Variants in KCNK2 observed in about 807,000 individuals in gnomAD.
KCNK2 encodes potassium channel subfamily K member 2.
Under a neutral mutation model 40.5 loss-of-function variants are expected in KCNK2, and 21 were observed. That is an observed-to-expected ratio of 0.52 (90% CI 0.37 to 0.75). The LOEUF is 0.75. KCNK2 is among the 30% of genes least tolerant of loss of function. KCNK2 has a pLI of 0.00. For missense variants in KCNK2, 399 were observed against 531.6 expected, an observed-to-expected ratio of 0.75 and a Z score of 2.45; for synonymous variants, 191 against 202.2, an observed-to-expected ratio of 0.94 and a Z score of 0.47.
At chr1:215,088,039 A>T (rs925307179) in intron 2 of KCNK2, among the ~76,000 whole-genome samples, 2 of 152,196 alleles carry the variant, frequency 1.3e-5, no homozygotes, top group African/African-American at 2.4e-5. Flanking sequence ...TTTTTAGATG[A>T]TGGTGACCTT....
intron 1 of KCNK2, among the ~76,000 whole-genome samples, chr1:215,064,860 CT>C (rs2102510614): frequency 1.3e-5 from 2 of 152,272 alleles, no homozygotes; most frequent in East Asian, 3.9e-4. Context: ...AAGATTCTAA[CT>C]TCCTCTTCCT....
At chr1:215,192,768 C>A (rs890674785) in intron 5 of KCNK2, among the ~76,000 whole-genome samples, 3 of 152,014 alleles carry the variant, frequency 2.0e-5, no homozygotes, top group Non-Finnish European at 2.9e-5. Context: ...ATAATTATTC[C>A]CAGAAATAAG....
intron 1 of KCNK2, among the ~76,000 whole-genome samples, chr1:215,057,219 G>T (rs1427489712): frequency 3.4e-5 from 5 of 149,046 alleles, no homozygotes; most frequent in Admixed American, 6.7e-5. Context: ...TTTTTTTGGA[G>T]TGAAGTTGAG....
At chr1:215,171,655 TG>T (rs1042965799) in intron 4 of KCNK2, among the ~76,000 whole-genome samples, 4 of 152,164 alleles carry the variant, frequency 2.6e-5, no homozygotes, top group Non-Finnish European at 4.4e-5. Context: ...AAACAAATAA[TG>T]ATGCAAATCT....
At chr1:215,038,697 T>A (rs552322070) in intron 1 of KCNK2, among the ~76,000 whole-genome samples, 8 of 152,138 alleles carry the variant, frequency 5.3e-5, no homozygotes, top group Non-Finnish European at 1.0e-4. Flanking sequence ...CCTTGGTATA[T>A]TTTAAAGAAA....
At chr1:215,012,047 C>T (rs1571845180) in intron 1 of KCNK2, among the ~76,000 whole-genome samples, 1 of 152,108 alleles carries the variant, frequency 6.6e-6, no homozygotes, top group Non-Finnish European at 1.5e-5. Context: ...TACAATAAAA[C>T]ACCAGTGAAG....
chr1:215,005,754 C>G (rs1656104950), upstream of KCNK2: 2 of 600,742 alleles, frequency 3.3e-6, no homozygotes, highest in Admixed American at 5.8e-5. Flanking sequence ...TGTTTTTGTA[C>G]AGGAAACTGA....
intron 6 of KCNK2, among the ~76,000 whole-genome samples, chr1:215,209,359 A>AAATATATATAT (rs1665479375): frequency 4.5e-5 from 3 of 66,392 alleles, no homozygotes; most frequent in African/African-American, 1.7e-4. Context: ...ATTATATATA[A>AAATATATATAT]TATATGCATA....
At chr1:215,081,635 C>T (rs916635216), upstream of KCNK2, among the ~76,000 whole-genome samples, 3 of 151,832 alleles carry the variant, frequency 2.0e-5, no homozygotes, top group Admixed American at 6.6e-5. Flanking sequence ...GTTCTTGTAA[C>T]TGGGAAAATA....
At position 215,014,852 on chromosome 1, in the gene KCNK2, A is replaced by G. The variant is rs184928031; in HGVS notation, c.34+8897A>G. Among the ~76,000 whole-genome samples the G allele has an allele frequency of 2.3e-3, 357 of 152,276 alleles. 1 individual carries two copies. The highest frequency in any genetic ancestry group is 6.8e-3 in the Middle Eastern group (2 of 294). ...GAGATGAATTTTCCACTGTTGGTGG[A>G]AACCCATATTTATCTTTCTGTCCAG... On this transcript the variant is annotated intron_variant, in intron 1 of 6. Transcript: ENST00000391895.
chr1:215,136,372 A>G (rs928191610), intron 3 of KCNK2, among the ~76,000 whole-genome samples: 3 of 152,188 alleles, frequency 2.0e-5, no homozygotes, highest in African/African-American at 4.8e-5. Flanking sequence ...TGCTAGGATT[A>G]CAGGTGTGAG....
intron 1 of KCNK2, among the ~76,000 whole-genome samples, chr1:215,053,822 C>T (rs1658068454): frequency 6.6e-6 from 1 of 152,156 alleles, no homozygotes; most frequent in Non-Finnish European, 1.5e-5. Flanking sequence ...CAAAAGTTAG[C>T]CGGGCATAGT....
chr1:215,126,812 T>G (rs2102584063), intron 3 of KCNK2, among the ~76,000 whole-genome samples: 1 of 152,250 alleles, frequency 6.6e-6, no homozygotes, highest in Non-Finnish European at 1.5e-5. Flanking sequence ...TCTCCTACTG[T>G]TCTATCTCAG....
At chr1:215,111,241 C>G (rs1364599706) in intron 2 of KCNK2, among the ~76,000 whole-genome samples, 2 of 151,982 alleles carry the variant, frequency 1.3e-5, no homozygotes, top group Non-Finnish European at 2.9e-5. Context: ...GTTGCTCTAC[C>G]TAGGATTTCC....
At chr1:215,120,940 A>T (rs778534947) in intron 2 of KCNK2, among the ~76,000 whole-genome samples, 1 of 151,708 alleles carries the variant, frequency 6.6e-6, no homozygotes, top group Non-Finnish European at 1.5e-5. Context: ...GTCATATTTT[A>T]TTTAATTAAA....
At chr1:215,075,085 A>G (rs1475588303) in intron 1 of KCNK2, among the ~76,000 whole-genome samples, 2 of 152,200 alleles carry the variant, frequency 1.3e-5, no homozygotes, top group African/African-American at 4.8e-5. Context: ...ACTAATCTTC[A>G]TATGCAAAAC....
At chr1:215,013,578 C>T (rs946733202) in intron 1 of KCNK2, among the ~76,000 whole-genome samples, 1 of 152,144 alleles carries the variant, frequency 6.6e-6, no homozygotes, top group African/African-American at 2.4e-5. Context: ...AGCTCTTCCT[C>T]AATTTCTCCT....
chr1:215,007,037 A>ATATATATATATATATATGTGTGTG (rs1330420661), intron 1 of KCNK2, among the ~76,000 whole-genome samples: 1 of 51,604 alleles, frequency 1.9e-5, no homozygotes, highest in African/African-American at 6.2e-5. Flanking sequence ...ATATATATAT[A>ATATATATATATATATATGTGTGTG]TGTGTGTGTG....
chr1:215,062,408 A>G (rs1658391737), intron 1 of KCNK2, among the ~76,000 whole-genome samples: 1 of 151,954 alleles, frequency 6.6e-6, no homozygotes, highest in African/African-American at 2.4e-5. Flanking sequence ...GTTGAATCCT[A>G]TGGCTAGTAC....
Sources: allele counts gnomAD v4.1 joint callset (sites outside exome capture counted in the v4.1 genomes callset), GRCh38; gene constraint gnomAD v4.1.1; transcripts MANE v1.5; gene names NCBI Gene and HGNC (gene_info 2026-07-23, HGNC 2026-07-21).